Variants in MME observed in about 807,000 individuals in gnomAD.
MME encodes neprilysin.
MME carries 98 observed loss-of-function variants against 113.2 expected under a neutral mutation model. That is an observed-to-expected ratio of 0.87 (90% CI 0.74 to 1.02). MME has a LOEUF of 1.02. Among genes scored for constraint, MME ranks in the 50% least tolerant of loss-of-function variants. The probability of loss-of-function intolerance (pLI) is 0.00; values close to 1 mark genes in which losing one functional copy is unlikely to be tolerated. For missense variants in MME, 836 were observed against 896.0 expected (o/e 0.93, Z 0.86); for synonymous variants, 292 against 300.6 (o/e 0.97, Z 0.30).
At position 155,143,418 on chromosome 3, in the gene MME, G is replaced by A. The variant is rs200846622; in HGVS notation, c.1189-25G>A. ...TCCAGACCTTTCCTTCTGGTCAAAT[G>A]CCATTTCCTTTTTCTTTTCCGTAGG... is the stretch of plus-strand genomic sequence containing the variant. On this transcript the variant is annotated intron_variant, in intron 12 of 22. Transcript: ENST00000360490. The A allele has an allele frequency of 3.0e-5, 48 of 1,608,718 alleles. No homozygotes were observed. In the East Asian group the frequency reaches 1.1e-3, roughly 35 times the overall value.
chr3:155,174,088 A>G (rs1712262528), intron 22 of MME, among the ~76,000 whole-genome samples: 1 of 152,060 alleles, frequency 6.6e-6, no homozygotes, highest in South Asian at 2.1e-4. Flanking sequence ...ATAGTTCCCT[A>G]TCAGTCAAGG....
chr3:155,030,657 TAGGCATCTCCAAA>T (rs1712941104), intron 1 of MME, among the ~76,000 whole-genome samples: 1 of 152,212 alleles, frequency 6.6e-6, no homozygotes, highest in African/African-American at 2.4e-5. Context: ...GATAATAAGC[TAGGCATCTCCAAA>T]GAGGTGCCAA....
chr3:155,172,597 G>C lies in MME; in HGVS notation c.2138G>C (p.Ser713Thr). Residue 713 changes from serine to threonine, a missense_variant, in exon 22 of 23, where the codon AGT (serine) becomes ACT (threonine). Ser to Thr is a moderately conservative substitution (Grantham distance 58). Coordinates refer to ENST00000360490, the MANE Select transcript of MME (RefSeq NM_007289.4). ...AACTCCATTAAAACAGATGTGCACA[G>C]TCCAGGCAATTTCAGGTGCGTGGAT... ...AVNSIKTDVH[S>T]PGNFRIIGTL... 6.2e-7 allele frequency: 1 copy of C among 1,612,596 alleles called. No individual in the cohort carries two copies. The highest frequency in any genetic ancestry group is 8.5e-7 in the Non-Finnish European group (1 of 1,178,826).
intron 1 of MME, among the ~76,000 whole-genome samples, chr3:155,027,925 C>T (rs1269707781): frequency 3.3e-5 from 5 of 152,142 alleles, no homozygotes; most frequent in African/African-American, 1.2e-4. Context: ...AATATTTTTA[C>T]TTTTCATCAG....
intron 8 of MME, among the ~76,000 whole-genome samples, chr3:155,126,707 G>A (rs530599088): frequency 6.6e-6 from 1 of 152,150 alleles, no homozygotes; most frequent in East Asian, 1.9e-4. Context: ...CTTTTAGAAA[G>A]GGCATTTATT....
At chr3:155,085,891 G>A (rs149690514) in intron 3 of MME, among the ~76,000 whole-genome samples, 40 of 152,288 alleles carry the variant, frequency 2.6e-4, no homozygotes, top group African/African-American at 9.4e-4. Context: ...GCAGAAGAGG[G>A]AATTCCAAAC....
At chr3:155,154,184 A>T (rs1722148661) in intron 16 of MME, among the ~76,000 whole-genome samples, 1 of 152,174 alleles carries the variant, frequency 6.6e-6, no homozygotes, top group African/African-American at 2.4e-5. Context: ...TGCTTCAAGC[A>T]TGGTGTTTTT....
intron 3 of MME, chr3:155,112,406 C>G (rs1028758089): frequency 6.6e-6 from 1 of 152,152 alleles, no homozygotes; most frequent in African/African-American, 2.4e-5. Context: ...CTCACAGAAA[C>G]TGAATATACT....
In MME at chr3:155,140,312, T is replaced by C; in HGVS notation, c.957+20T>C. On this transcript the variant is annotated intron_variant, in intron 10 of 22. Coordinates refer to ENST00000360490, the MANE Select transcript of MME (RefSeq NM_007289.4). Reference sequence around the variant, plus strand: ...GGGAAGGTAAGTGGTAAGTTTTTTGTGCTCTCTTATTGTGCCGTTTTCTAA... The same window carrying C: ...GGGAAGGTAAGTGGTAAGTTTTTTGCGCTCTCTTATTGTGCCGTTTTCTAA... The C allele has an allele frequency of 6.8e-7, 1 of 1,481,392 alleles. No individual in the cohort carries two copies. The highest frequency in any genetic ancestry group is 9.4e-7 in the Non-Finnish European group (1 of 1,059,806). The allele number at this position is 1,481,392 out of a possible 1,614,324, so 91.8% of individuals were successfully genotyped here.
At chr3:155,171,373 G>A (rs1351192576) in intron 20 of MME, among the ~76,000 whole-genome samples, 1 of 152,108 alleles carries the variant, frequency 6.6e-6, no homozygotes, top group Non-Finnish European at 1.5e-5. Flanking sequence ...TATATTTTCT[G>A]CTCATCTAGT....
chr3:155,102,585 G>C (rs1717348818), intron 3 of MME, among the ~76,000 whole-genome samples: 1 of 152,140 alleles, frequency 6.6e-6, no homozygotes, highest in South Asian at 2.1e-4. Context: ...CAACTTGGCA[G>C]GGCATGTGTT....
intron 1 of MME, chr3:155,081,715 G>A (rs1576692488): frequency 6.6e-6 from 1 of 151,850 alleles, no homozygotes; most frequent in East Asian, 1.9e-4. Flanking sequence ...TTGGGGTTTA[G>A]TCATATGTTC....
At chr3:155,164,790 G>A (rs551812400) in intron 17 of MME, among the ~76,000 whole-genome samples, 109 of 152,258 alleles carry the variant, frequency 7.2e-4, no homozygotes, top group African/African-American at 2.5e-3. Context: ...GCTGCTACAC[G>A]TGAGGTATAA....
intron 1 of MME, among the ~76,000 whole-genome samples, chr3:155,058,478 GA>G (rs2108133443): frequency 6.6e-6 from 1 of 152,010 alleles, no homozygotes; most frequent in East Asian, 1.9e-4. Flanking sequence ...GTTAATGTTA[GA>G]AAAAAGAGAA....
chr3:155,103,508 G>C (rs1436983352), intron 3 of MME, among the ~76,000 whole-genome samples: 2 of 152,122 alleles, frequency 1.3e-5, no homozygotes, highest in Non-Finnish European at 2.9e-5. Context: ...AATTCACCTT[G>C]CTAATTCTAC....
intron 8 of MME, among the ~76,000 whole-genome samples, chr3:155,124,824 C>G (rs1476887124): frequency 6.6e-6 from 1 of 152,086 alleles, no homozygotes; most frequent in African/African-American, 2.4e-5. Flanking sequence ...CTCTTCAAAG[C>G]TGTCAGACAG....
chr3:155,117,878 T>C (rs766188135), intron 7 of MME, among the ~76,000 whole-genome samples: 12 of 152,116 alleles, frequency 7.9e-5, no homozygotes, highest in Non-Finnish European at 1.8e-4. Context: ...TTGGGTTATG[T>C]TTTCTTTTCT....
intron 3 of MME, among the ~76,000 whole-genome samples, chr3:155,110,401 C>T (rs546484376): frequency 2.0e-5 from 3 of 152,312 alleles, no homozygotes; most frequent in South Asian, 4.1e-4. Context: ...AGAGCCCAAA[C>T]GTTTTTCCCA....
At chr3:155,154,825 G>A (rs1722197820) in intron 16 of MME, among the ~76,000 whole-genome samples, 1 of 152,170 alleles carries the variant, frequency 6.6e-6, no homozygotes, top group Non-Finnish European at 1.5e-5. Context: ...GGCAGGCGGA[G>A]CACCGGACAC....
Sources: gnomAD v4.1 joint callset for allele counts (sites outside exome capture counted in the v4.1 genomes callset) on GRCh38, gnomAD v4.1.1 for gene constraint, MANE v1.5 for transcripts, NCBI Gene and HGNC (gene_info 2026-07-23, HGNC 2026-07-21) for gene names.